The following PCDH7 variants were observed in gnomAD, a reference collection of about 807,000 sequenced individuals.
PCDH7 encodes protocadherin-7.
A neutral mutation model predicts 58.9 loss-of-function variants in PCDH7; 17 were observed. The observed-to-expected ratio is 0.29, with a 90% confidence interval of 0.20 to 0.43. The LOEUF (loss-of-function observed/expected upper bound fraction) is 0.43. PCDH7 is among the 20% of genes least tolerant of loss of function. The pLI, the probability that PCDH7 is intolerant of heterozygous loss-of-function variation, is 1.00. For synonymous variants in PCDH7, 664 were observed against 616.4 expected (o/e 1.08, Z -1.14); for missense variants, 1,274 against 1,441.0 (o/e 0.88, Z 1.88).
chr4:30,985,733 A>T (rs1750911863), intron 3 of PCDH7, among the ~76,000 whole-genome samples: 1 of 152,260 alleles, frequency 6.6e-6, no homozygotes, highest in Middle Eastern at 3.4e-3. Flanking sequence ...ACATTTTCCA[A>T]TTTTTGAACG....
chr4:31,026,760 A>G (rs1754467179), intron 3 of PCDH7, among the ~76,000 whole-genome samples: 1 of 152,104 alleles, frequency 6.6e-6, no homozygotes, highest in African/African-American at 2.4e-5. Context: ...GGGGGGAAAA[A>G]ACCTGCACAC....
chr4:31,074,007 C>G (rs115441061), intron 3 of PCDH7, among the ~76,000 whole-genome samples: 2,748 of 151,974 alleles, frequency 0.018, 82 homozygotes, highest in African/African-American at 0.063. Flanking sequence ...GATCAACACC[C>G]CAGGACTTTT....
intron 1 of PCDH7, chr4:30,725,245 G>C (rs2109230547): frequency 1.0e-6 from 1 of 992,400 alleles, no homozygotes. Flanking sequence ...ATAACAATTA[G>C]TGTTCTATAA....
chr4:31,000,770 T>G (rs35649307), intron 3 of PCDH7, among the ~76,000 whole-genome samples: 7,070 of 152,162 alleles, frequency 0.046, 412 homozygotes, highest in East Asian at 0.3. Context: ...TCCATCTATG[T>G]AAAACATAGT....
At chr4:31,097,587 CATATATAT>C (rs1190443409) in intron 3 of PCDH7, among the ~76,000 whole-genome samples, 286 of 40,020 alleles carry the variant, frequency 7.1e-3, no homozygotes, top group Non-Finnish European at 0.012. Flanking sequence ...TCCAAATATA[CATATATAT>C]ATATATATAT....
At chr4:31,108,726 G>C (rs761568832) in intron 3 of PCDH7, among the ~76,000 whole-genome samples, 13 of 151,948 alleles carry the variant, frequency 8.6e-5, no homozygotes, top group Non-Finnish European at 1.6e-4. Context: ...TATTAGCAAG[G>C]ATCAATTCAT....
chr4:31,095,180 A>AT, intron 3 of PCDH7, among the ~76,000 whole-genome samples: 1 of 151,326 alleles, frequency 6.6e-6, no homozygotes, highest in South Asian at 2.1e-4. Context: ...GTTTCCTTTT[A>AT]TTTTAGGTTG....
At chr4:30,736,613 G>T (rs1045740157), downstream of PCDH7, among the ~76,000 whole-genome samples, 83 of 148,452 alleles carry the variant, frequency 5.6e-4, no homozygotes, top group Non-Finnish European at 8.7e-4. Flanking sequence ...TCGGCTCACT[G>T]CAAGCTCCGC....
At chr4:30,881,188 T>G (rs2109371057) in intron 1 of PCDH7, among the ~76,000 whole-genome samples, 1 of 151,990 alleles carries the variant, frequency 6.6e-6, no homozygotes, top group East Asian at 1.9e-4. Flanking sequence ...CCCTGGAGCT[T>G]TTGGTGCCGT....
chr4:31,082,466 C>G (rs1711620685), intron 3 of PCDH7, among the ~76,000 whole-genome samples: 1 of 151,998 alleles, frequency 6.6e-6, no homozygotes, highest in Non-Finnish European at 1.5e-5. Flanking sequence ...AATTCAGATA[C>G]TTATCAAATT....
chr4:30,908,243 T>TAAAA lies in PCDH7; in HGVS notation c.71-11901_71-11898dup, dbSNP rs5857211. On this transcript the variant is annotated intron_variant, in intron 1 of 3. Transcript: ENST00000509759. ...ATGTACCCTAGAACTTAAAGAATAATAAAAAAAAAAAAGAAGAAAAGAAAA... is the reference window on the plus strand; with the variant it reads ...ATGTACCCTAGAACTTAAAGAATAATAAAAAAAAAAAAAAAAGAAGAAAAGAAAA... Among the ~76,000 whole-genome samples the TAAAA allele has an allele frequency of 6.6e-3, 930 of 140,960 alleles. 6 individuals are homozygous for TAAAA. Among genetic ancestry groups the TAAAA allele is most frequent in the African/African-American group, 0.02 (766 of 38,654 alleles). 92.5% of individuals were successfully genotyped at this position (140,960 alleles called of 152,430 possible). A position where few individuals can be genotyped will look rare whatever the true frequency, so the allele number is the denominator to read the frequency against.
intron 2 of PCDH7, chr4:30,935,173 A>C (rs917990947): frequency 6.2e-6 from 1 of 160,278 alleles, no homozygotes; most frequent in African/African-American, 2.4e-5. Context: ...ATTCTGAAGT[A>C]TTACTTTACT....
At position 30,811,322 on chromosome 4, in the gene PCDH7, G is replaced by A. The variant is rs140269729; in HGVS notation, c.70+86726G>A. 8.9e-3 allele frequency among the ~76,000 whole-genome samples: 1,360 copies of A among 152,264 alleles called. 24 individuals are homozygous for A. The highest frequency in any genetic ancestry group is 0.031 in the African/African-American group (1,302 of 41,558). On this transcript the variant is annotated intron_variant, in intron 1 of 3. Coordinates refer to the PCDH7 transcript ENST00000509759. ...TTTATAATTCTCTAGATATATAAAA[G>A]TAAATAAGGCCTTGACCCTTTTGTG...
chr4:30,804,277 A>G (rs760406413), intron 1 of PCDH7, among the ~76,000 whole-genome samples: 1 of 152,186 alleles, frequency 6.6e-6, no homozygotes, highest in Non-Finnish European at 1.5e-5. Context: ...ACGGTGGCTC[A>G]TGCCTGTTAT....
At chr4:30,915,827 C>A (rs75931802) in intron 1 of PCDH7, among the ~76,000 whole-genome samples, 4,886 of 152,106 alleles carry the variant, frequency 0.032, 108 homozygotes, top group Middle Eastern at 0.065. Context: ...CTGGCCCTCA[C>A]CCTTTTTTTC....
chr4:31,109,867 T>C (rs2109309897), intron 3 of PCDH7, among the ~76,000 whole-genome samples: 1 of 152,334 alleles, frequency 6.6e-6, no homozygotes, highest in South Asian at 2.1e-4. Context: ...TTGGCTTCCA[T>C]ATCTCTATAC....
intron 3 of PCDH7, among the ~76,000 whole-genome samples, chr4:31,138,426 G>A (rs1212997675): frequency 2.0e-5 from 3 of 151,978 alleles, no homozygotes; most frequent in African/African-American, 7.3e-5. Context: ...TCTGCAGACT[G>A]TAGCTTGTTC....
chr4:31,074,407 G>A lies in PCDH7; in HGVS notation c.*8-68066G>A, dbSNP rs569844085. On this transcript the variant is annotated intron_variant, in intron 3 of 3. Coordinates refer to the PCDH7 transcript ENST00000509759. ...TTTCAAAAACGATGTTAATGACAGC[G>A]AGTACAAACTATATTTGGGTGTGAC... 3.9e-4 allele frequency among the ~76,000 whole-genome samples: 59 copies of A among 151,970 alleles called. No homozygotes were observed. In the South Asian group the frequency reaches 0.011, roughly 29 times the overall value.
chr4:30,768,332 G>GTATGCATACATCTTCCAAGTAA (rs1721002073), intron 1 of PCDH7, among the ~76,000 whole-genome samples: 1 of 152,200 alleles, frequency 6.6e-6, no homozygotes, highest in Non-Finnish European at 1.5e-5. Context: ...CTTCCAAGTA[G>GTATGCATACATCTTCCAAGTAA]TATGCTTTCA....
Sources: gnomAD v4.1 joint callset for allele counts (sites outside exome capture counted in the v4.1 genomes callset) on GRCh38, gnomAD v4.1.1 for gene constraint, MANE v1.5 for transcripts, NCBI Gene and HGNC (gene_info 2026-07-23, HGNC 2026-07-21) for gene names.